The following ARSK variants were observed in gnomAD, a reference collection of about 807,000 sequenced individuals.
ARSK encodes arylsulfatase K.
ARSK carries 37 observed loss-of-function variants against 53.2 expected under a neutral mutation model. The ratio of observed to expected loss-of-function variants is 0.70; its 90% confidence interval spans 0.54 to 0.92. The LOEUF is 0.92. ARSK is among the 40% of genes least tolerant of loss of function. The pLI is 0.00. For missense variants in ARSK, 613 were observed against 643.0 expected (o/e 0.95, Z 0.51); for synonymous variants, 208 against 223.2 (o/e 0.93, Z 0.61).
intron 6 of ARSK, chr5:95,600,499 A>C (rs1048254133): frequency 5.2e-5 from 20 of 386,158 alleles, no homozygotes; most frequent in African/African-American, 4.2e-4. Flanking sequence ...GATATTAACT[A>C]TTTGTTGAAG....
Position 95,555,555 on chromosome 5 carries a change from G to A in ARSK, c.126+151G>A, listed in dbSNP as rs1561357713. Reference sequence around the variant, plus strand: ...AAGAAAGAAATACATTTTATGTGAGGCCCCGTGTACTCACACGTACACCAC... The same window carrying A: ...AAGAAAGAAATACATTTTATGTGAGACCCCGTGTACTCACACGTACACCAC... On this transcript the variant is annotated intron_variant, in intron 1 of 7. Coordinates refer to ENST00000380009, the MANE Select transcript of ARSK (RefSeq NM_198150.3). The surrounding 1 kb of genome is among the most constrained non-coding windows in gnomAD (Gnocchi z 4.0). 2 of 819,938 alleles carry A rather than the reference G, an allele frequency of 2.4e-6. No homozygotes were observed. The highest frequency in any genetic ancestry group is 2.0e-5 in the South Asian group (1 of 50,504). The allele number at this position is 819,938 out of a possible 1,614,324, so 50.8% of individuals were successfully genotyped here.
At chr5:95,563,021 CT>C (rs1471592503) in intron 1 of ARSK, among the ~76,000 whole-genome samples, 2 of 152,188 alleles carry the variant, frequency 1.3e-5, no homozygotes, top group Non-Finnish European at 2.9e-5. Flanking sequence ...GTTAAGATGC[CT>C]TTCAGTTCAG....
intron 1 of ARSK, chr5:95,556,229 A>G (rs1168610524): frequency 2.8e-6 from 2 of 702,246 alleles, no homozygotes; most frequent in African/African-American, 3.5e-5. Flanking sequence ...TTAAAATTAC[A>G]TAGTCTGGAT....
chr5:95,569,674 G>A (rs2545841), intron 3 of ARSK, among the ~76,000 whole-genome samples: 26,665 of 152,152 alleles, frequency 0.18, 2,649 homozygotes, highest in East Asian at 0.34. Flanking sequence ...TAGACTTATA[G>A]CTTCCAGAAC....
chr5:95,573,079 A>G (rs1053232511), intron 3 of ARSK, among the ~76,000 whole-genome samples: 1 of 152,186 alleles, frequency 6.6e-6, no homozygotes, highest in Non-Finnish European at 1.5e-5. Context: ...TCTTTAGTAT[A>G]GAGATTGAGA....
At chr5:95,595,897 G>T (rs934184085) in intron 6 of ARSK, among the ~76,000 whole-genome samples, 13 of 152,142 alleles carry the variant, frequency 8.5e-5, no homozygotes, top group Admixed American at 7.2e-4. Flanking sequence ...GTATTAAAAA[G>T]AAAATGAAGG....
chr5:95,595,807 C>T (rs1431632599), intron 6 of ARSK, among the ~76,000 whole-genome samples: 1 of 151,998 alleles, frequency 6.6e-6, no homozygotes, highest in Non-Finnish European at 1.5e-5. Flanking sequence ...CAAACCTGCA[C>T]ATGTACCCAC....
intron 6 of ARSK, among the ~76,000 whole-genome samples, chr5:95,595,468 C>T (rs1412264725): frequency 6.6e-6 from 1 of 152,202 alleles, no homozygotes; most frequent in East Asian, 1.9e-4. Context: ...GGCACATATA[C>T]ACCATGGAAT....
At chr5:95,585,285 G>A (rs771925180) in intron 4 of ARSK, among the ~76,000 whole-genome samples, 6 of 152,098 alleles carry the variant, frequency 3.9e-5, no homozygotes, top group Non-Finnish European at 7.3e-5. Flanking sequence ...GCTAAAAGTC[G>A]AACTACCTTC....
chr5:95,560,594 G>A, intron 1 of ARSK, among the ~76,000 whole-genome samples: 1 of 151,530 alleles, frequency 6.6e-6, no homozygotes, highest in East Asian at 1.9e-4. Flanking sequence ...ATTTAATAGG[G>A]AAAGAATGAT....
chr5:95,597,609 A>G (rs973337658), intron 6 of ARSK, among the ~76,000 whole-genome samples: 2 of 152,156 alleles, frequency 1.3e-5, no homozygotes, highest in African/African-American at 4.8e-5. Context: ...GAAAATGGGG[A>G]TAGGCCAGGC....
chr5:95,561,455 A>G (rs1408035916), intron 1 of ARSK, among the ~76,000 whole-genome samples: 4 of 152,258 alleles, frequency 2.6e-5, no homozygotes, highest in African/African-American at 9.6e-5. Context: ...AAACTTCTAC[A>G]TGAATGTTCA....
chr5:95,593,345 C>G (rs552310405), intron 6 of ARSK, among the ~76,000 whole-genome samples: 2 of 152,204 alleles, frequency 1.3e-5, no homozygotes, highest in South Asian at 4.1e-4. Flanking sequence ...GCCATTTTAT[C>G]TATTTGACTC....
intron 6 of ARSK, among the ~76,000 whole-genome samples, chr5:95,597,906 T>A (rs6879199): frequency 0.055 from 6,603 of 120,806 alleles, 702 homozygotes; most frequent in African/African-American, 0.19. Context: ...AAAAAAAAAG[T>A]GGGGGGCGGG....
chr5:95,557,085 T>C (rs1409630052), intron 1 of ARSK: 2 of 152,148 alleles, frequency 1.3e-5, no homozygotes, highest in Non-Finnish European at 2.9e-5. Context: ...TTCACATACT[T>C]GTTAATATTC....
chr5:95,565,354 A>G (rs769878150), intron 1 of ARSK, among the ~76,000 whole-genome samples: 9 of 152,170 alleles, frequency 5.9e-5, no homozygotes, highest in Non-Finnish European at 1.3e-4. Context: ...AAGTGCTGGG[A>G]TTATAGGCAT....
chr5:95,582,418 C>CT (rs1422458622), intron 3 of ARSK, among the ~76,000 whole-genome samples: 4 of 151,920 alleles, frequency 2.6e-5, no homozygotes, highest in Admixed American at 6.6e-5. Context: ...TAAAATTGTT[C>CT]TTTTAATAAA....
At chr5:95,591,114 A>G (rs950817123) in intron 5 of ARSK, among the ~76,000 whole-genome samples, 1 of 152,160 alleles carries the variant, frequency 6.6e-6, no homozygotes, top group African/African-American at 2.4e-5. Flanking sequence ...TTTTTCCCCT[A>G]TTCTCTGGTA....
At chr5:95,596,028 A>G (rs1749302383) in intron 6 of ARSK, among the ~76,000 whole-genome samples, 1 of 152,186 alleles carries the variant, frequency 6.6e-6, no homozygotes, top group Admixed American at 6.5e-5. Context: ...TTACACCAGC[A>G]TTAACAGGCA....
Sources: allele counts gnomAD v4.1 joint callset (sites outside exome capture counted in the v4.1 genomes callset), GRCh38; gene constraint gnomAD v4.1.1; non-coding constraint Gnocchi (gnomAD v3.1); transcripts MANE v1.5; gene names NCBI Gene and HGNC (gene_info 2026-07-23, HGNC 2026-07-21).